The following ST8SIA6 variants were observed in gnomAD, a reference collection of about 807,000 sequenced individuals.
ST8SIA6 encodes the protein alpha-2,8-sialyltransferase 8F.
A neutral mutation model predicts 33.6 loss-of-function variants in ST8SIA6; 39 were observed. That is an observed-to-expected ratio of 1.16 (90% CI 0.90 to 1.52). The LOEUF (loss-of-function observed/expected upper bound fraction) is 1.52. ST8SIA6 is among the 40% of genes most tolerant of loss of function. ST8SIA6 has a pLI of 0.00. For missense variants in ST8SIA6, 441 were observed against 443.8 expected (o/e 0.99, Z 0.06); for synonymous variants, 172 against 167.2 (o/e 1.03, Z -0.22).
At chr10:17,438,841 T>A (rs1177713259) in intron 2 of ST8SIA6, among the ~76,000 whole-genome samples, 1 of 152,234 alleles carries the variant, frequency 6.6e-6, no homozygotes, top group African/African-American at 2.4e-5. Flanking sequence ...CAAACTCTCA[T>A]CTTTGAGGAA....
chr10:17,423,890 C>A (rs778070146), intron 2 of ST8SIA6, among the ~76,000 whole-genome samples: 2 of 152,098 alleles, frequency 1.3e-5, no homozygotes. Flanking sequence ...GATGCAGAAA[C>A]CACACATGTT....
At chr10:17,450,521 A>C (rs1420057634) in intron 2 of ST8SIA6, among the ~76,000 whole-genome samples, 1 of 151,512 alleles carries the variant, frequency 6.6e-6, no homozygotes, top group Non-Finnish European at 1.5e-5. Flanking sequence ...GCTCACTGCA[A>C]CCTCCCCTTC....
intron 1 of ST8SIA6, 145 bp from the exon 2 acceptor site, chr10:17,453,802 G>A (rs371372491): frequency 1.1e-5 from 6 of 547,344 alleles, no homozygotes; most frequent in Non-Finnish European, 1.1e-5. Flanking sequence ...AGTTGGAAGA[G>A]CCTTAGGGCG....
intron 4 of ST8SIA6, among the ~76,000 whole-genome samples, chr10:17,351,483 A>G (rs1051616816): frequency 1.6e-4 from 23 of 146,512 alleles, no homozygotes; most frequent in Non-Finnish European, 3.3e-4. Context: ...TTCCACCATC[A>G]CATACTAGAT....
chr10:17,356,163 T>C (rs1849182137), intron 4 of ST8SIA6, among the ~76,000 whole-genome samples: 1 of 152,200 alleles, frequency 6.6e-6, no homozygotes, highest in South Asian at 2.1e-4. Context: ...TTTACTTTCA[T>C]GCATCCATTT....
chr10:17,402,260 A>C (rs957196446), intron 2 of ST8SIA6, among the ~76,000 whole-genome samples: 3 of 152,250 alleles, frequency 2.0e-5, no homozygotes, highest in Non-Finnish European at 4.4e-5. Context: ...AATGGCGATC[A>C]TTAAAAAGTC....
At chr10:17,372,540 C>T (rs1849769295) in intron 3 of ST8SIA6, among the ~76,000 whole-genome samples, 1 of 152,138 alleles carries the variant, frequency 6.6e-6, no homozygotes, top group South Asian at 2.1e-4. Flanking sequence ...ATAGTAAAAC[C>T]TACTCTGAAG....
intron 2 of ST8SIA6, among the ~76,000 whole-genome samples, chr10:17,427,444 T>C (rs1851973726): frequency 6.6e-6 from 1 of 152,184 alleles, no homozygotes; most frequent in African/African-American, 2.4e-5. Context: ...GGAGACCTGA[T>C]GGAGACCTGG....
chr10:17,360,544 A>G (rs1849345889), intron 3 of ST8SIA6, among the ~76,000 whole-genome samples: 1 of 142,978 alleles, frequency 7.0e-6, no homozygotes, highest in African/African-American at 2.5e-5. Context: ...GGGCTTATAT[A>G]TGTAGACATA....
At chr10:17,450,384 C>G (rs1393115181) in intron 2 of ST8SIA6, among the ~76,000 whole-genome samples, 3 of 152,182 alleles carry the variant, frequency 2.0e-5, no homozygotes, top group Non-Finnish European at 4.4e-5. Context: ...TCATGAGTTT[C>G]AACTCTTGAC....
intron 3 of ST8SIA6, chr10:17,387,180 G>A (rs1031719980): frequency 1.3e-5 from 2 of 152,164 alleles, no homozygotes; most frequent in Non-Finnish European, 2.9e-5. Flanking sequence ...CCCAGTGGAA[G>A]ACGCACAGCA....
intron 2 of ST8SIA6, among the ~76,000 whole-genome samples, chr10:17,401,711 C>G (rs184736977): frequency 1.3e-5 from 2 of 152,136 alleles, no homozygotes; most frequent in African/African-American, 2.4e-5. Context: ...ATGGTGCTGG[C>G]AAAACTGGCT....
intron 2 of ST8SIA6, among the ~76,000 whole-genome samples, chr10:17,432,184 G>C (rs1852122027): frequency 6.6e-6 from 1 of 152,232 alleles, no homozygotes; most frequent in African/African-American, 2.4e-5. Context: ...AGAATTGAAA[G>C]AGATGAAGTC....
rs754190139 is a variant in ST8SIA6 at position 17,315,464 on chromosome 10, G to C, written c.*5414C>G. Among the ~76,000 whole-genome samples the C allele has an allele frequency of 6.6e-6, 1 of 152,002 alleles. No individual in the cohort carries two copies. Among genetic ancestry groups the C allele is most frequent in the South Asian group, 2.1e-4 (1 of 4,834 alleles). ...TTATTTGTAATAGCCAAAACCAGGA[G>C]ATAGTAAAATGTTCATCAACAAATG... On this transcript the variant is annotated 3_prime_UTR_variant, in exon 8 of 8. Coordinates refer to ENST00000377602, the MANE Select transcript of ST8SIA6 (RefSeq NM_001004470.3).
At chr10:17,439,559 G>T (rs2131733529) in intron 2 of ST8SIA6, among the ~76,000 whole-genome samples, 1 of 152,342 alleles carries the variant, frequency 6.6e-6, no homozygotes, top group East Asian at 1.9e-4. Flanking sequence ...GGGATTACAG[G>T]CGTGAGCCAC....
At chr10:17,324,321 C>T (rs1848054543) in intron 6 of ST8SIA6, among the ~76,000 whole-genome samples, 3 of 151,980 alleles carry the variant, frequency 2.0e-5, no homozygotes, top group Admixed American at 2.0e-4. Flanking sequence ...ATGAACTTCC[C>T]TCATTGATAT....
chr10:17,420,204 G>C (rs1371479977), intron 2 of ST8SIA6, among the ~76,000 whole-genome samples: 1 of 152,198 alleles, frequency 6.6e-6, no homozygotes, highest in Admixed American at 6.5e-5. Flanking sequence ...ACGAGGTCAG[G>C]AGATCGAGAC....
intron 3 of ST8SIA6, among the ~76,000 whole-genome samples, chr10:17,362,711 C>T (rs1849431551): frequency 6.6e-6 from 1 of 152,032 alleles, no homozygotes; most frequent in African/African-American, 2.4e-5. Flanking sequence ...CTAGGAAATG[C>T]ATTTTATTTA....
At chr10:17,356,710 C>T (rs975253487) in intron 4 of ST8SIA6, among the ~76,000 whole-genome samples, 2 of 151,738 alleles carry the variant, frequency 1.3e-5, no homozygotes, top group African/African-American at 2.4e-5. Flanking sequence ...TTAAATTGGC[C>T]CTGAAGGGAT....
Sources: allele counts gnomAD v4.1 joint callset (sites outside exome capture counted in the v4.1 genomes callset), GRCh38; gene constraint gnomAD v4.1.1; transcripts MANE v1.5; gene names NCBI Gene and HGNC (gene_info 2026-07-23, HGNC 2026-07-21).